ERC1: variants seen among roughly 807,000 people sequenced by gnomAD.
The protein encoded by ERC1 is RAB6 interacting protein 2.
ERC1 carries 56 observed loss-of-function variants against 132.0 expected under a neutral mutation model. The ratio of observed to expected loss-of-function variants is 0.42; its 90% CI spans 0.34 to 0.53. The LOEUF is 0.53. Among genes scored for constraint, ERC1 ranks in the 20% least tolerant of loss-of-function variants. ERC1 has a pLI of 0.03. For synonymous variants in ERC1, 478 were observed against 476.1 expected, an observed-to-expected ratio of 1.00 and a Z score of -0.05; for missense variants, 1,202 against 1,349.9, an observed-to-expected ratio of 0.89 and a Z score of 1.72.
chr12:1,269,099 A>G (rs1450858132), intron 14 of ERC1, among the ~76,000 whole-genome samples: 3 of 152,252 alleles, frequency 2.0e-5, no homozygotes, highest in Non-Finnish European at 4.4e-5. Context: ...TTTATAACTT[A>G]TTCAGTGGGT....
At chr12:1,224,453 T>C (rs1054125936) in intron 12 of ERC1, among the ~76,000 whole-genome samples, 1 of 151,960 alleles carries the variant, frequency 6.6e-6, no homozygotes, top group African/African-American at 2.4e-5. Flanking sequence ...AGATAGGAGA[T>C]TTAAAATATG....
chr12:1,404,910 A>G (rs527839201), intron 16 of ERC1, among the ~76,000 whole-genome samples: 45 of 152,192 alleles, frequency 3.0e-4, no homozygotes, highest in Middle Eastern at 3.4e-3. Context: ...AGGCTGAGGC[A>G]GGCTGATCAC....
chr12:1,302,708 C>T (rs1259140027), intron 15 of ERC1, among the ~76,000 whole-genome samples: 2 of 152,110 alleles, frequency 1.3e-5, no homozygotes, highest in Non-Finnish European at 2.9e-5. Flanking sequence ...TGGGTCACGC[C>T]TGTAATCCCA....
intron 2 of ERC1, among the ~76,000 whole-genome samples, chr12:1,073,114 A>G (rs1940705520): frequency 6.6e-6 from 1 of 152,118 alleles, no homozygotes; most frequent in Admixed American, 6.5e-5. Context: ...ATCCTGGCCA[A>G]TATGGTGAAA....
At chr12:1,451,479 G>A (rs1028726131) in intron 18 of ERC1, among the ~76,000 whole-genome samples, 1 of 151,930 alleles carries the variant, frequency 6.6e-6, no homozygotes, top group East Asian at 1.9e-4. Flanking sequence ...AAAAAATTTA[G>A]CTGGATACAG....
chr12:1,291,748 T>A (rs1201085335), intron 15 of ERC1, among the ~76,000 whole-genome samples: 1 of 152,204 alleles, frequency 6.6e-6, no homozygotes, highest in Non-Finnish European at 1.5e-5. Context: ...CATATATTAA[T>A]GTAATTTTTG....
rs77865338 is a variant in ERC1 at position 1,280,538 on chromosome 12, G to A, written c.2620-9314G>A. Among the ~76,000 whole-genome samples, 469 of 152,304 alleles carry A rather than the reference G, an allele frequency of 3.1e-3. 5 individuals are homozygous for A. Among genetic ancestry groups the A allele is most frequent in the African/African-American group, 0.011 (448 of 41,566 alleles). ...GTGTACTAACAGTGATTTGGCATAA[G>A]TTTTGTAATCTCTCCAAGTATCTGT... On this transcript the variant is annotated intron_variant, in intron 14 of 18. Transcript: ENST00000360905.
chr12:1,223,433 C>T (rs765095246), intron 12 of ERC1, among the ~76,000 whole-genome samples: 6 of 152,154 alleles, frequency 3.9e-5, no homozygotes, highest in Non-Finnish European at 7.3e-5. Flanking sequence ...CCCTGGGAAC[C>T]TCGTTAAAGT....
intron 15 of ERC1, among the ~76,000 whole-genome samples, chr12:1,335,084 G>T (rs1224849077): frequency 6.6e-6 from 1 of 152,158 alleles, no homozygotes; most frequent in African/African-American, 2.4e-5. Flanking sequence ...TTCGTATCCT[G>T]AAAGTTTGCT....
chr12:1,419,721 A>G (rs2092345861), intron 17 of ERC1, among the ~76,000 whole-genome samples: 2 of 152,022 alleles, frequency 1.3e-5, no homozygotes, highest in African/African-American at 4.8e-5. Context: ...GTTCTGGAGA[A>G]TGGTTGCACA....
intron 15 of ERC1, among the ~76,000 whole-genome samples, chr12:1,316,876 G>A (rs187419308): frequency 2.6e-5 from 4 of 152,196 alleles, no homozygotes; most frequent in East Asian, 3.9e-4. Context: ...AATGTGGCAC[G>A]TGGCCAGGCA....
chr12:1,256,145 C>T (rs1481388456), intron 13 of ERC1, among the ~76,000 whole-genome samples: 2 of 151,984 alleles, frequency 1.3e-5, no homozygotes, highest in Non-Finnish European at 2.9e-5. Context: ...GATATTAGCC[C>T]TTTGTCAGAT....
intron 7 of ERC1, among the ~76,000 whole-genome samples, chr12:1,136,257 T>C (rs1949242106): frequency 6.6e-6 from 1 of 152,204 alleles, no homozygotes; most frequent in Non-Finnish European, 1.5e-5. Flanking sequence ...TATTCATAGC[T>C]CTCTGAGAAG....
chr12:1,002,183 TTTTTTTTTTTGA>T, intron 1 of ERC1, among the ~76,000 whole-genome samples: 1 of 124,850 alleles, frequency 8.0e-6, no homozygotes, highest in Non-Finnish European at 1.7e-5. Context: ...TTTTTTTTTT[TTTTTTTTTTTGA>T]GACAGTTTCA....
intron 2 of ERC1, among the ~76,000 whole-genome samples, chr12:1,054,000 A>G (rs1972493650): frequency 6.6e-6 from 1 of 151,850 alleles, no homozygotes; most frequent in Admixed American, 6.6e-5. Context: ...GTTTGCAGTA[A>G]TTAGGACCAG....
chr12:1,058,428 C>T (rs188642698), intron 2 of ERC1, among the ~76,000 whole-genome samples: 184 of 152,284 alleles, frequency 1.2e-3, no homozygotes, highest in Non-Finnish European at 8.5e-4. Flanking sequence ...CCAGTTTTCC[C>T]AGTACTATCT....
At chr12:1,040,324 C>CTTTTTTTTTTTTTTTT (rs956609769) in intron 2 of ERC1, among the ~76,000 whole-genome samples, 4 of 138,090 alleles carry the variant, frequency 2.9e-5, no homozygotes, top group Non-Finnish European at 3.1e-5. Context: ...TTTCTTTTTT[C>CTTTTTTTTTTTTTTTT]TTTTTTTTTT....
At chr12:1,044,679 A>G (rs1212856885) in intron 2 of ERC1, among the ~76,000 whole-genome samples, 1 of 152,230 alleles carries the variant, frequency 6.6e-6, no homozygotes, top group Non-Finnish European at 1.5e-5. Flanking sequence ...AGTATGAAAT[A>G]TACCTTTCAT....
intron 12 of ERC1, among the ~76,000 whole-genome samples, chr12:1,208,237 G>A (rs1213392280): frequency 6.6e-6 from 1 of 152,128 alleles, no homozygotes; most frequent in Non-Finnish European, 1.5e-5. Context: ...CCTTTCCTCT[G>A]TATCAAGCTT....
Sources: allele counts gnomAD v4.1 joint callset (sites outside exome capture counted in the v4.1 genomes callset), GRCh38; gene constraint gnomAD v4.1.1; transcripts MANE v1.5; gene names NCBI Gene and HGNC (gene_info 2026-07-23, HGNC 2026-07-21).